The following PHEX variants were observed in gnomAD, a reference collection of about 807,000 sequenced individuals.
PHEX encodes phosphate-regulating neutral endopeptidase PHEX.
A neutral mutation model predicts 68.0 loss-of-function variants in PHEX; 16 were observed. The ratio of observed to expected loss-of-function variants is 0.24; its 90% CI spans 0.16 to 0.36. The LOEUF (loss-of-function observed/expected upper bound fraction) is 0.36, where lower values mean the gene tolerates loss of function less well. PHEX is among the 10% of genes least tolerant of loss of function. The pLI is 1.00. For missense variants in PHEX, 480 were observed against 575.5 expected (o/e 0.83, Z 1.70); for synonymous variants, 208 against 205.1 (o/e 1.01, Z -0.12).
intron 11 of PHEX, among the ~76,000 whole-genome samples, chrX:22,129,953 G>C (rs753968567): frequency 9.0e-6 from 1 of 111,440 alleles, no homozygotes; most frequent in Non-Finnish European, 1.9e-5. Context: ...CATCCCACTA[G>C]TTTGGCTTCT....
intron 14 of PHEX, among the ~76,000 whole-genome samples, chrX:22,180,778 C>A (rs984854946): frequency 6.4e-5 from 7 of 108,800 alleles, no homozygotes; most frequent in African/African-American, 2.0e-4. Flanking sequence ...CAGTACCCTT[C>A]TCAGCCTCAT....
intron 3 of PHEX, among the ~76,000 whole-genome samples, chrX:22,068,044 G>T (rs1164433564): frequency 9.1e-6 from 1 of 110,055 alleles, no homozygotes; most frequent in Admixed American, 9.7e-5. Flanking sequence ...TACCATGTTG[G>T]CCAGGCTGGT....
At chrX:22,176,198 C>T (rs954632383) in intron 13 of PHEX, among the ~76,000 whole-genome samples, 5 of 109,875 alleles carry the variant, frequency 4.6e-5, no homozygotes, top group African/African-American at 9.9e-5. Flanking sequence ...GCCAGCCTGG[C>T]CAACATGGCA....
chrX:22,131,511 T>C (rs757978363), intron 11 of PHEX, among the ~76,000 whole-genome samples: 2 of 113,125 alleles, frequency 1.8e-5, no homozygotes, highest in African/African-American at 6.4e-5. Context: ...TGGGAAGAAA[T>C]AGCTGTGAAG....
chrX:22,189,457 C>T (rs1391621121), intron 14 of PHEX, among the ~76,000 whole-genome samples: 1 of 111,580 alleles, frequency 9.0e-6, no homozygotes, highest in Admixed American at 9.5e-5. Context: ...TTGTACTCAG[C>T]TGGGCATGGT....
At chrX:22,121,327 A>G (rs990068919) in intron 11 of PHEX, among the ~76,000 whole-genome samples, 2 of 111,867 alleles carry the variant, frequency 1.8e-5, no homozygotes, top group Non-Finnish European at 3.8e-5. Flanking sequence ...ACGAGCAGGG[A>G]AATTCTTGTT....
intron 9 of PHEX, among the ~76,000 whole-genome samples, chrX:22,104,142 G>C (rs947424178): frequency 6.3e-5 from 7 of 111,380 alleles, no homozygotes; most frequent in African/African-American, 2.3e-4. Context: ...CTTTTTGATG[G>C]GATTGTTTGT....
In PHEX at chrX:22,236,714, C is replaced by G. The variant is rs1363730292; in HGVS notation, c.2071-8619C>G. Among the ~76,000 whole-genome samples the G allele has an allele frequency of 4.5e-5, 5 of 112,133 alleles. No individual in the cohort carries two copies. The Admixed American group carries it at 4.7e-4, about 11-fold the overall frequency. On this transcript the variant is annotated intron_variant, in intron 20 of 21. Transcript: ENST00000379374. ...ATTGAAACAGGGACCTTATAGTCTT[C>G]AAAGCCTAAAATCTTTACCATCTGT...
At chrX:22,124,012 T>C (rs1437181069) in intron 11 of PHEX, among the ~76,000 whole-genome samples, 1 of 109,151 alleles carries the variant, frequency 9.2e-6, no homozygotes, top group Non-Finnish European at 1.9e-5. Flanking sequence ...TTTGTATTTT[T>C]AGTAGAGATG....
chrX:22,053,459 C>T (rs765141201), intron 3 of PHEX, among the ~76,000 whole-genome samples: 16 of 111,437 alleles, frequency 1.4e-4, no homozygotes, highest in African/African-American at 4.2e-4. Flanking sequence ...ACTCAGATTC[C>T]GACTTGGGAA....
At chrX:22,164,638 C>T (rs1431677662) in intron 12 of PHEX, among the ~76,000 whole-genome samples, 2 of 112,099 alleles carry the variant, frequency 1.8e-5, no homozygotes, top group East Asian at 2.8e-4. Flanking sequence ...CTTGTCCGTT[C>T]GTTCGTTCTT....
At chrX:22,052,683 C>T (rs1927890169) in intron 3 of PHEX, among the ~76,000 whole-genome samples, 1 of 110,920 alleles carries the variant, frequency 9.0e-6, no homozygotes, top group African/African-American at 3.3e-5. Flanking sequence ...CACTTTGGGC[C>T]AATTACTGAT....
chrX:22,212,974 C>T lies in PHEX; in HGVS notation c.1700+16C>T. The T allele has an allele frequency of 1.8e-6, 2 of 1,141,682 alleles. No individual in the cohort carries two copies. Among genetic ancestry groups the T allele is most frequent in the South Asian group, 1.8e-5 (1 of 55,344 alleles). The allele number at this position is 1,141,682 out of a possible 1,213,427, so 94.1% of individuals were successfully genotyped here. A position where few individuals can be genotyped will look rare whatever the true frequency, so the allele number is the denominator to read the frequency against. ...AATATCCTCGGTGAGTAAATGAGTA[C>T]AGAAACCAGTTACTGACCAATTAGG... On this transcript the variant is annotated intron_variant, in intron 16 of 21. Coordinates refer to ENST00000379374, the MANE Select transcript of PHEX (RefSeq NM_000444.6).
intron 10 of PHEX, among the ~76,000 whole-genome samples, chrX:22,113,872 A>G (rs1202732957): frequency 9.1e-6 from 1 of 110,056 alleles, no homozygotes; most frequent in Non-Finnish European, 1.9e-5. Flanking sequence ...TTCTTTGTTT[A>G]ATGGGGAAAA....
At chrX:22,187,558 A>G (rs961792254) in intron 14 of PHEX, among the ~76,000 whole-genome samples, 5 of 111,611 alleles carry the variant, frequency 4.5e-5, no homozygotes, top group African/African-American at 1.6e-4. Flanking sequence ...AAGGTCCTTA[A>G]GCTTAATTAC....
chrX:22,218,415 A>ATAATC (rs1254626581), intron 16 of PHEX, among the ~76,000 whole-genome samples: 1 of 111,487 alleles, frequency 9.0e-6, no homozygotes, highest in African/African-American at 3.3e-5. Context: ...CCTTTTATAG[A>ATAATC]TAATCTACCA....
intron 4 of PHEX, 77 bp from the exon 5 acceptor site, chrX:22,077,399 G>A (rs1602274608): frequency 1.1e-6 from 1 of 894,138 alleles, no homozygotes; most frequent in East Asian, 3.1e-5. Context: ...ATTTTGTCTT[G>A]AGAAGATGCA....
intron 12 of PHEX, among the ~76,000 whole-genome samples, chrX:22,146,500 A>T: frequency 8.9e-6 from 1 of 112,092 alleles, no homozygotes; most frequent in Non-Finnish European, 1.9e-5. Context: ...ACTAATTTCA[A>T]ATTTGTGGAA....
intron 18 of PHEX, among the ~76,000 whole-genome samples, chrX:22,223,610 G>A (rs1044808924): frequency 4.5e-5 from 5 of 110,845 alleles, no homozygotes; most frequent in African/African-American, 1.6e-4. Context: ...TTAGCCGGGT[G>A]TAGTGGTGCA....
Sources: allele counts gnomAD v4.1 joint callset (sites outside exome capture counted in the v4.1 genomes callset), GRCh38; gene constraint gnomAD v4.1.1; transcripts MANE v1.5; gene names NCBI Gene and HGNC (gene_info 2026-07-23, HGNC 2026-07-21).